Variants in TDRKH observed in about 807,000 individuals in gnomAD.
The protein encoded by TDRKH is tudor and KH domain containing, also known as tudor and KH domain-containing protein.
Under a neutral mutation model 61.3 loss-of-function variants are expected in TDRKH, and 28 were observed. The observed-to-expected ratio is 0.46, with a 90% confidence interval of 0.34 to 0.63. TDRKH has a LOEUF of 0.63. Ranked by LOEUF, TDRKH falls within the 20% of genes least tolerant of loss-of-function variation. TDRKH has a pLI of 0.01. For synonymous variants in TDRKH, 219 were observed against 244.4 expected, an observed-to-expected ratio of 0.90 and a Z score of 0.97; for missense variants, 540 against 683.4, an observed-to-expected ratio of 0.79 and a Z score of 2.34.
At chr1:151,782,176 G>C (rs1003535671) in intron 2 of TDRKH, among the ~76,000 whole-genome samples, 1 of 152,220 alleles carries the variant, frequency 6.6e-6, no homozygotes, top group Non-Finnish European at 1.5e-5. Context: ...ACATAGCAAA[G>C]ACTAGGCCAG....
intron 1 of TDRKH, among the ~76,000 whole-genome samples, chr1:151,784,969 G>C (rs1422567287): frequency 3.8e-5 from 5 of 131,852 alleles, no homozygotes; most frequent in Non-Finnish European, 6.3e-5. Flanking sequence ...GTCTTTCTCT[G>C]TTGCCAGGCT....
downstream of TDRKH, chr1:151,771,278 C>T (rs925852989): frequency 7.6e-6 from 12 of 1,583,170 alleles, no homozygotes; most frequent in African/African-American, 6.8e-5. Context: ...ATCAGGGGCC[C>T]GGGATGTGAT....
intron 2 of TDRKH, 43 bp from the exon 3 acceptor site, chr1:151,781,630 C>T (rs1346240606): frequency 5.1e-6 from 8 of 1,578,130 alleles, no homozygotes; most frequent in Admixed American, 1.7e-5. Flanking sequence ...AGATAACACC[C>T]AAAGCTAGTA....
intron 6 of TDRKH, among the ~76,000 whole-genome samples, chr1:151,776,969 C>A (rs1649244679): frequency 6.6e-6 from 1 of 152,322 alleles, no homozygotes; most frequent in Admixed American, 6.5e-5. Flanking sequence ...TCCCATTCTA[C>A]CACTGACTCT....
At chr1:151,776,623 G>A in intron 6 of TDRKH, 24 bp from the exon 7 acceptor site, 1 of 1,612,036 alleles carries the variant, frequency 6.2e-7, no homozygotes, top group South Asian at 1.1e-5. Flanking sequence ...TAAGGATGGT[G>A]GCCACATCAG....
At chr1:151,769,867 G>A (rs895865008), downstream of TDRKH, among the ~76,000 whole-genome samples, 1 of 152,256 alleles carries the variant, frequency 6.6e-6, no homozygotes, top group Non-Finnish European at 1.5e-5. Context: ...GTGGTTAGGA[G>A]CTGGAGACCA....
At chr1:151,772,892 A>AT (rs768965611), downstream of TDRKH, among the ~76,000 whole-genome samples, 2 of 151,504 alleles carry the variant, frequency 1.3e-5, no homozygotes, top group African/African-American at 2.4e-5. Flanking sequence ...TTCCTAGTGA[A>AT]TTTTTTTTTA....
chr1:151,774,611 A>T (rs1571981648), intron 12 of TDRKH, 99 bp downstream of exon 12: 2 of 1,578,440 alleles, frequency 1.3e-6, no homozygotes, highest in South Asian at 1.1e-5. Context: ...CAATGACCTG[A>T]CTAGGAACCA....
At chr1:151,773,464 G>C (rs1192612254), downstream of TDRKH, 4 of 152,618 alleles carry the variant, frequency 2.6e-5, no homozygotes, top group Non-Finnish European at 5.9e-5. Flanking sequence ...CTTCCACCTT[G>C]TGATTCAATC....
chr1:151,766,537 G>A (rs966494519), downstream of TDRKH: 23 of 622,628 alleles, frequency 3.7e-5, no homozygotes, highest in East Asian at 8.3e-5. Flanking sequence ...CATACTAGTC[G>A]AATATGAGCC....
At chr1:151,776,403 T>G in intron 7 of TDRKH, 36 bp downstream of exon 7, 1 of 1,607,900 alleles carries the variant, frequency 6.2e-7, no homozygotes, top group Non-Finnish European at 8.5e-7. Flanking sequence ...TGCCTTCTTT[T>G]CATTAAACCC....
At position 151,781,326 on chromosome 1, in the gene TDRKH, A is replaced by ATAT. The variant is rs1553282714; in HGVS notation, c.231+154_231+155insATA. 7.0e-3 allele frequency among the ~76,000 whole-genome samples: 156 copies of ATAT among 22,312 alleles called. 2 individuals are homozygous for ATAT. Among genetic ancestry groups the ATAT allele is most frequent in the African/African-American group, 1.0e-2 (144 of 14,406 alleles). 14.6% of individuals were successfully genotyped at this position (22,312 alleles called of 152,430 possible). A position where few individuals can be genotyped will look rare whatever the true frequency, so the allele number is the denominator to read the frequency against. ...GAGCGAAACTCCATCTCAAAAAAAA[A>ATAT]AAATATATATATATATATTTTATAT... On this transcript the variant is annotated intron_variant, in intron 3 of 12. Coordinates refer to ENST00000368824, the MANE Select transcript of TDRKH (RefSeq NM_001083965.2).
At chr1:151,769,723 C>T (rs556066090), downstream of TDRKH, among the ~76,000 whole-genome samples, 3 of 152,256 alleles carry the variant, frequency 2.0e-5, no homozygotes, top group African/African-American at 4.8e-5. Flanking sequence ...CCAAGGCAGG[C>T]GGCTGGGAGG....
rs1649972505 is a variant in TDRKH at position 151,782,913 on chromosome 1, T to C, written c.110A>G (p.Tyr37Cys). The C allele has an allele frequency of 6.2e-7, 1 of 1,610,052 alleles. No homozygotes were observed. The change falls in exon 2 of 13, where the codon TAT becomes TGT. Residue 37 changes from tyrosine to cysteine, a missense_variant. Physicochemically the swap from Tyr to Cys is radical, Grantham distance 194. Coordinates refer to ENST00000368824, the MANE Select transcript of TDRKH (RefSeq NM_001083965.2). ...ATVAYILYRR[Y>C]RESREERLTF... The stretch of plus-strand genomic sequence containing the variant: ...GGTTCACGTACCTCTGCTTTCCCTA[T>C]ACCTGCGGTATAGGATATAGGCAAC...
chr1:151,771,952 T>C (rs552618904), downstream of TDRKH: 5 of 398,662 alleles, frequency 1.3e-5, no homozygotes, highest in South Asian at 6.4e-4. Flanking sequence ...GTTCCAGGGC[T>C]GAGCATGCTT....
chr1:151,779,937 C>A lies in TDRKH; in HGVS notation c.421+14G>T. The A allele has an allele frequency of 6.3e-7, 1 of 1,597,096 alleles. No homozygotes were observed. On this transcript the variant is annotated intron_variant, in intron 4 of 12. Transcript: ENST00000368824. Reference sequence around the variant, plus strand: ...AGAATAAAGGAAACAATAGAGGAAGCCATCCAGTGGTACCTATGATTCTGC... The same window carrying A: ...AGAATAAAGGAAACAATAGAGGAAGACATCCAGTGGTACCTATGATTCTGC...
downstream of TDRKH, chr1:151,766,651 C>G (rs576577788): frequency 5.2e-6 from 8 of 1,541,442 alleles, no homozygotes; most frequent in African/African-American, 9.6e-5. Flanking sequence ...CACAATGCCA[C>G]CAGGTTGCCT....
chr1:151,783,726 G>A (rs1178494698), intron 1 of TDRKH: 1 of 152,216 alleles, frequency 6.6e-6, no homozygotes, highest in African/African-American at 2.4e-5. Context: ...TCCCTGGAGG[G>A]TCCTTCCAAG....
intron 9 of TDRKH, 110 bp downstream of exon 9, chr1:151,775,710 C>A: frequency 1.3e-6 from 2 of 1,499,128 alleles, no homozygotes; most frequent in Non-Finnish European, 1.8e-6. Context: ...GGAAAAGGCA[C>A]CTGAGTCCCC....
Sources: allele counts gnomAD v4.1 joint callset (sites outside exome capture counted in the v4.1 genomes callset), GRCh38; gene constraint gnomAD v4.1.1; transcripts MANE v1.5; gene names NCBI Gene and HGNC (gene_info 2026-07-23, HGNC 2026-07-21).